Variants in MAGI2 observed in about 807,000 individuals in gnomAD.
MAGI2 encodes the protein membrane associated guanylate kinase, WW and PDZ domain containing 2.
MAGI2 carries 35 observed loss-of-function variants against 133.3 expected under a neutral mutation model. The observed-to-expected ratio is 0.26, with a 90% confidence interval of 0.20 to 0.35. The LOEUF (loss-of-function observed/expected upper bound fraction) is 0.35, where lower values mean the gene tolerates loss of function less well. MAGI2 is among the 10% of genes least tolerant of loss of function. The pLI, the probability that MAGI2 is intolerant of heterozygous loss-of-function variation, is 1.00. For missense variants in MAGI2, 1,636 were observed against 1,863.4 expected (o/e 0.88, Z 2.25); for synonymous variants, 729 against 710.6 (o/e 1.03, Z -0.41).
intron 3 of MAGI2, among the ~76,000 whole-genome samples, chr7:78,606,561 T>A (rs1294602578): frequency 6.6e-6 from 1 of 152,150 alleles, no homozygotes; most frequent in Non-Finnish European, 1.5e-5. Context: ...TTTTTCCTTG[T>A]GTGCTAGTTT....
At chr7:78,069,869 T>C (rs553611780) in intron 21 of MAGI2, among the ~76,000 whole-genome samples, 11 of 152,150 alleles carry the variant, frequency 7.2e-5, no homozygotes, top group Admixed American at 2.6e-4. Flanking sequence ...GAAGGGAATG[T>C]TCCTATTAGA....
At chr7:78,409,589 C>G (rs1797688382) in intron 6 of MAGI2, among the ~76,000 whole-genome samples, 1 of 152,218 alleles carries the variant, frequency 6.6e-6, no homozygotes, top group Non-Finnish European at 1.5e-5. Context: ...ACCTTTATTA[C>G]ACACATTGCT....
intron 1 of MAGI2, among the ~76,000 whole-genome samples, chr7:79,352,454 T>C (rs185825382): frequency 6.6e-6 from 1 of 152,318 alleles, no homozygotes; most frequent in Admixed American, 6.5e-5. Context: ...TAGGAAGGTC[T>C]CTTAGAGGTC....
At chr7:78,324,136 T>TACACTAC (rs1788303100) in intron 9 of MAGI2, among the ~76,000 whole-genome samples, 1 of 132,320 alleles carries the variant, frequency 7.6e-6, no homozygotes, top group African/African-American at 3.0e-5. Flanking sequence ...CACACTACAC[T>TACACTAC]ACACTACACT....
chr7:78,074,923 T>C (rs573781037), intron 21 of MAGI2, among the ~76,000 whole-genome samples: 2 of 152,314 alleles, frequency 1.3e-5, no homozygotes, highest in Non-Finnish European at 2.9e-5. Flanking sequence ...GAGACTGCTC[T>C]CCTTAGAAAG....
chr7:79,411,875 TATTCAATTGAATACTGAAATTCAATTGAA>T (rs969257785), intron 1 of MAGI2: 7 of 151,952 alleles, frequency 4.6e-5, no homozygotes, highest in African/African-American at 1.7e-4. Context: ...GAATACTATA[TATTCAATTGAATACTGAAATTCAATTGAA>T]ATTCAATTGA....
chr7:78,991,926 T>A (rs936709920), intron 2 of MAGI2, among the ~76,000 whole-genome samples: 1 of 152,068 alleles, frequency 6.6e-6, no homozygotes, highest in African/African-American at 2.4e-5. Context: ...TTTTCCTTCT[T>A]TCTTTCCTTC....
intron 1 of MAGI2, among the ~76,000 whole-genome samples, chr7:79,160,005 C>G (rs1014241183): frequency 1.3e-5 from 2 of 152,036 alleles, no homozygotes; most frequent in African/African-American, 4.8e-5. Context: ...TTGGTAGAAG[C>G]TAGCTCAGAT....
intron 2 of MAGI2, among the ~76,000 whole-genome samples, chr7:78,862,009 GAAGA>G (rs1310315726): frequency 2.0e-5 from 3 of 152,138 alleles, no homozygotes; most frequent in Non-Finnish European, 2.9e-5. Context: ...CAAAAATTCA[GAAGA>G]AAGGACAGAA....
intron 6 of MAGI2, among the ~76,000 whole-genome samples, chr7:78,483,796 T>G (rs2150469485): frequency 6.6e-6 from 1 of 152,074 alleles, no homozygotes; most frequent in South Asian, 2.1e-4. Flanking sequence ...TTGTTTCTAT[T>G]AAGATATTTG....
rs373537107 is a variant in MAGI2, at chr7:79,159,012, C to T, written c.302-151806G>A. ...GTTATACAAGGTTATACAGGTTATA[C>T]AAGGTATACACAAGTTAAAAGGAAC... On this transcript the variant is annotated intron_variant, in intron 1 of 21. Coordinates refer to ENST00000354212, the MANE Select transcript of MAGI2 (RefSeq NM_012301.4). Among the ~76,000 whole-genome samples the T allele has an allele frequency of 4.0e-5, 6 of 151,752 alleles. No individual in the cohort carries two copies. In the East Asian group the frequency reaches 7.8e-4, roughly 20 times the overall value.
At chr7:78,616,453 A>C (rs1294705205) in intron 3 of MAGI2, 1 of 151,938 alleles carries the variant, frequency 6.6e-6, no homozygotes, top group Non-Finnish European at 1.5e-5. Flanking sequence ...TGTGTGTGGA[A>C]GGAGTGATTG....
chr7:78,521,274 A>G (rs113429250), intron 4 of MAGI2, among the ~76,000 whole-genome samples, 156 bp downstream of exon 4: 3 of 152,226 alleles, frequency 2.0e-5, no homozygotes, highest in African/African-American at 7.2e-5. Context: ...GATAATTATA[A>G]TAATTACACG....
At chr7:78,293,810 T>C (rs1239497342) in intron 9 of MAGI2, among the ~76,000 whole-genome samples, 1 of 152,122 alleles carries the variant, frequency 6.6e-6, no homozygotes, top group African/African-American at 2.4e-5. Flanking sequence ...CTGGAAACCA[T>C]CATTCTGAGC....
In MAGI2 at chr7:79,391,488, C is replaced by CATATATATATATATATAGACATAT. The variant is rs1563180360; in HGVS notation, c.301+61508_301+61531dup. ...GTATTCTAAAAGCAATTACCTTTAA[C>CATATATATATATATATAGACATAT]ATATATATATATATATAGACATATA... On this transcript the variant is annotated intron_variant, in intron 1 of 21. Transcript: ENST00000354212. 8.3e-4 allele frequency among the ~76,000 whole-genome samples: 99 copies of CATATATATATATATATAGACATAT among 119,322 alleles called. 1 individual carries two copies. The highest frequency in any genetic ancestry group is 1.6e-3 in the Non-Finnish European group (86 of 55,414). The allele number at this position is 119,322 out of a possible 152,430, so 78.3% of individuals were successfully genotyped here.
chr7:78,166,910 T>C (rs1461536045), intron 15 of MAGI2, among the ~76,000 whole-genome samples: 1 of 152,174 alleles, frequency 6.6e-6, no homozygotes, highest in Non-Finnish European at 1.5e-5. Context: ...CTCTCTGCAT[T>C]GTCACAGACT....
chr7:79,408,871 T>C (rs1163882778), intron 1 of MAGI2, among the ~76,000 whole-genome samples: 1 of 152,178 alleles, frequency 6.6e-6, no homozygotes, highest in East Asian at 1.9e-4. Context: ...AGATGTGAAT[T>C]CTAAGATAAA....
chr7:78,844,760 T>G (rs1298343479), intron 2 of MAGI2, among the ~76,000 whole-genome samples: 3 of 151,724 alleles, frequency 2.0e-5, no homozygotes, highest in Non-Finnish European at 4.4e-5. Flanking sequence ...GCAAATATAG[T>G]AAAACCCACT....
rs138997680 is a variant in MAGI2, at chr7:78,073,161, T to C, written c.3706+5786A>G. On this transcript the variant is annotated intron_variant, in intron 21 of 21. Coordinates refer to ENST00000354212, the MANE Select transcript of MAGI2 (RefSeq NM_012301.4). Reference sequence around the variant, plus strand: ...AGTCACTAGCTCAGATCGATCTGTTTCTCCAATTAGTGCAGTTTTATTATA... The same window carrying C: ...AGTCACTAGCTCAGATCGATCTGTTCCTCCAATTAGTGCAGTTTTATTATA... 3.0e-3 allele frequency among the ~76,000 whole-genome samples: 450 copies of C among 152,298 alleles called. 2 individuals carry two copies. The highest frequency in any genetic ancestry group is 0.01 in the African/African-American group (427 of 41,564).
Sources: gnomAD v4.1 joint callset for allele counts (sites outside exome capture counted in the v4.1 genomes callset) on GRCh38, gnomAD v4.1.1 for gene constraint, MANE v1.5 for transcripts, NCBI Gene and HGNC (gene_info 2026-07-23, HGNC 2026-07-21) for gene names.